The following ZNF782 variants were observed in gnomAD, a reference collection of about 807,000 sequenced individuals.
The protein encoded by ZNF782 is zinc finger protein 782.
ZNF782 carries 12 observed loss-of-function variants against 13.0 expected under a neutral mutation model. The ratio of observed to expected loss-of-function variants is 0.92; its 90% CI spans 0.59 to 1.50. The LOEUF is 1.50. Among genes scored for constraint, ZNF782 ranks in the 40% most tolerant of loss-of-function variants. The pLI is 0.00. For missense variants in ZNF782, 770 were observed against 822.9 expected (o/e 0.94, Z 0.79); for synonymous variants, 284 against 283.0 (o/e 1.00, Z -0.04).
At chr9:96,880,568 T>C (rs977124146), upstream of ZNF782, among the ~76,000 whole-genome samples, 1 of 152,242 alleles carries the variant, frequency 6.6e-6, no homozygotes, top group Non-Finnish European at 1.5e-5. Context: ...TTCTTTAGTC[T>C]GTCAAAATTG....
intron 1 of ZNF782, among the ~76,000 whole-genome samples, chr9:96,874,403 T>A (rs1457749700): frequency 1.3e-5 from 2 of 152,172 alleles, no homozygotes; most frequent in African/African-American, 4.8e-5. Flanking sequence ...AGCAGTGCAG[T>A]GTCTTTCAAG....
chr9:96,897,986 T>C, the ZNF782 span: 4 of 150,998 alleles, frequency 2.6e-5, no homozygotes, highest in Non-Finnish European at 4.4e-5. Flanking sequence ...TACCGGACAA[T>C]AGGGATAAAG....
At chr9:96,930,872 G>GTGTT in the ZNF782 span, among the ~76,000 whole-genome samples, 1 of 72,726 alleles carries the variant, frequency 1.4e-5, no homozygotes, top group South Asian at 5.6e-4. Context: ...CCATCCAGTG[G>GTGTT]TTTTTTTTTT....
Position 96,821,524 on chromosome 9 carries a change from A to G in ZNF782, c.245-1746T>C, listed in dbSNP as rs530730706. Among the ~76,000 whole-genome samples, 41 of 152,326 alleles carry G rather than the reference A, an allele frequency of 2.7e-4. 1 individual carries two copies. The South Asian group carries it at 3.1e-3, about 12-fold the overall frequency. On this transcript the variant is annotated intron_variant, in intron 5 of 5. Coordinates refer to ENST00000481138, the MANE Select transcript of ZNF782 (RefSeq NM_001001662.3). ...TAGTATTCATTTTAACAAGGAATAT[A>G]TGGATAGTACTCATATATCTGACAC...
At chr9:96,882,104 T>C in the ZNF782 span, among the ~76,000 whole-genome samples, 2 of 152,012 alleles carry the variant, frequency 1.3e-5, no homozygotes, top group African/African-American at 2.4e-5. Flanking sequence ...AGGCTTTCAA[T>C]AGTTAACTAT....
chr9:96,905,809 C>A, the ZNF782 span, among the ~76,000 whole-genome samples: 1 of 152,254 alleles, frequency 6.6e-6, no homozygotes, highest in African/African-American at 2.4e-5. Flanking sequence ...TGGTCTCGAA[C>A]TCCTGACCTC....
intron 4 of ZNF782, among the ~76,000 whole-genome samples, chr9:96,837,591 C>A (rs1399208697): frequency 6.6e-6 from 1 of 152,010 alleles, no homozygotes; most frequent in East Asian, 1.9e-4. Flanking sequence ...TTTGCTCTTT[C>A]TTTAGTTTCT....
At position 96,818,802 on chromosome 9, in the gene ZNF782, T is replaced by A. The variant is rs778855531; in HGVS notation, c.1221A>T (p.Ser407=). 2.4e-5 allele frequency: 39 copies of A among 1,614,014 alleles called. No homozygotes were observed. The highest frequency in any genetic ancestry group is 3.3e-5 in the Non-Finnish European group (39 of 1,180,018). ...GAGTTCTCTGATGTTTTCTTAGGCG[T>A]GACTTCTCACTGAAGGCTTTCCCGC... ...PECGKAFSEK[S]RLRKHQRTHT... is the part of the protein sequence containing the mutation. The change falls in exon 6 of 6, where the codon TCA becomes TCT. Residue 407 remains serine (S), a synonymous_variant. Coordinates refer to ENST00000481138, the MANE Select transcript of ZNF782 (RefSeq NM_001001662.3).
At position 96,818,765 on chromosome 9, in the gene ZNF782, T is replaced by G; in HGVS notation, c.1258A>C (p.Lys420Gln). Residue 420 changes from lysine (K) to glutamine (Q), a missense_variant, in exon 6 of 6, where the codon AAA becomes CAA. Physicochemically the swap from Lys to Gln is moderately conservative, Grantham distance 53. Transcript: ENST00000481138. The stretch of plus-strand genomic sequence containing the variant: ...TCACATCCATCACATTTGTATGGTT[T>G]CTCTCCCGTGTGAGTTCTCTGATGT... Reference protein sequence around the residue: ...RKHQRTHTGEKPYKCDGCDKA... With the variant: ...RKHQRTHTGEQPYKCDGCDKA... 6.2e-7 allele frequency: 1 copy of G among 1,614,136 alleles called. No homozygotes were observed. The highest frequency in any genetic ancestry group is 8.5e-7 in the Non-Finnish European group (1 of 1,180,012).
chr9:96,901,421 A>G, the ZNF782 span, among the ~76,000 whole-genome samples: 2 of 150,782 alleles, frequency 1.3e-5, no homozygotes, highest in African/African-American at 4.9e-5. Flanking sequence ...ACAGATGTGC[A>G]CCACCACGCC....
chr9:96,917,530 C>G, the ZNF782 span, among the ~76,000 whole-genome samples: 1 of 151,706 alleles, frequency 6.6e-6, no homozygotes, highest in African/African-American at 2.4e-5. Context: ...CTCCCGGGTT[C>G]AAGTGATTCT....
intron 4 of ZNF782, among the ~76,000 whole-genome samples, chr9:96,842,089 T>C (rs564265820): frequency 1.3e-5 from 2 of 152,022 alleles, no homozygotes; most frequent in African/African-American, 4.8e-5. Context: ...TAAAACACAA[T>C]GCCATTAACA....
At chr9:96,892,595 G>C in the ZNF782 span, 3 of 152,222 alleles carry the variant, frequency 2.0e-5, no homozygotes, top group African/African-American at 7.2e-5. Context: ...CCTTTACCAA[G>C]TTATCTGAGG....
intron 2 of ZNF782, 50 bp downstream of exon 2, chr9:96,852,803 G>A (rs1851537027): frequency 1.3e-5 from 2 of 152,604 alleles, no homozygotes; most frequent in Non-Finnish European, 2.9e-5. Context: ...GTTTTAACTG[G>A]GATGTATTTC....
intron 4 of ZNF782, among the ~76,000 whole-genome samples, chr9:96,832,080 A>G (rs1260229007): frequency 6.6e-6 from 1 of 151,142 alleles, no homozygotes. Flanking sequence ...TCTCTTGAAC[A>G]TTTTTTTTAG....
intron 1 of ZNF782, among the ~76,000 whole-genome samples, chr9:96,864,932 G>T (rs1020687356): frequency 6.6e-6 from 1 of 150,424 alleles, no homozygotes; most frequent in Admixed American, 6.6e-5. Context: ...TGTAGTCCCA[G>T]CTACTTGAAA....
At chr9:96,907,468 A>G in the ZNF782 span, among the ~76,000 whole-genome samples, 1 of 152,292 alleles carries the variant, frequency 6.6e-6, no homozygotes, top group Non-Finnish European at 1.5e-5. Context: ...ATGCTTAAAA[A>G]TGGTTACGAT....
At chr9:96,845,755 CAA>C (rs1851325849) in intron 3 of ZNF782, among the ~76,000 whole-genome samples, 1 of 152,078 alleles carries the variant, frequency 6.6e-6, no homozygotes, top group Admixed American at 6.6e-5. Context: ...GAAAAGAAAA[CAA>C]AAAGTCTAGA....
chr9:96,878,443 A>G (rs1019798446), upstream of ZNF782, among the ~76,000 whole-genome samples: 1 of 152,222 alleles, frequency 6.6e-6, no homozygotes, highest in African/African-American at 2.4e-5. Flanking sequence ...TAAAGCTATA[A>G]TGTAGCTCCC....
Sources: allele counts gnomAD v4.1 joint callset (sites outside exome capture counted in the v4.1 genomes callset), GRCh38; gene constraint gnomAD v4.1.1; transcripts MANE v1.5; gene names NCBI Gene and HGNC (gene_info 2026-07-23, HGNC 2026-07-21).